KLHDC10: variants seen among roughly 807,000 people sequenced by gnomAD.
KLHDC10 encodes kelch domain containing 10.
A neutral mutation model predicts 56.1 loss-of-function variants in KLHDC10; 24 were observed. That is an observed-to-expected ratio of 0.43 (90% CI 0.31 to 0.60). The LOEUF is 0.60. Ranked by LOEUF, KLHDC10 falls within the 20% of genes least tolerant of loss-of-function variation. The pLI, the probability that KLHDC10 is intolerant of heterozygous loss-of-function variation, is 0.11. For missense variants in KLHDC10, 349 were observed against 567.0 expected (o/e 0.62, Z 3.91); for synonymous variants, 188 against 207.1 (o/e 0.91, Z 0.79).
At chr7:130,081,099 C>T (rs1223009651) in intron 1 of KLHDC10, among the ~76,000 whole-genome samples, 4 of 146,078 alleles carry the variant, frequency 2.7e-5, no homozygotes, top group Non-Finnish European at 4.5e-5. Context: ...TCTGGGTTCA[C>T]GCCATTCTCC....
At chr7:130,099,775 A>C (rs891985683) in intron 2 of KLHDC10, among the ~76,000 whole-genome samples, 11 of 152,224 alleles carry the variant, frequency 7.2e-5, no homozygotes, top group Non-Finnish European at 2.9e-5. Context: ...CTAGTGAAGA[A>C]ATTTAATTAA....
intron 1 of KLHDC10, among the ~76,000 whole-genome samples, chr7:130,078,963 A>C (rs1795557912): frequency 6.6e-6 from 1 of 152,160 alleles, no homozygotes; most frequent in South Asian, 2.1e-4. Context: ...TCCTATTAAG[A>C]TTAGATCTGG....
intron 2 of KLHDC10, among the ~76,000 whole-genome samples, chr7:130,105,962 C>G (rs573367652): frequency 2.7e-4 from 41 of 152,146 alleles, no homozygotes; most frequent in African/African-American, 8.2e-4. Flanking sequence ...GTAGCCTGAC[C>G]AACATGGTGA....
At chr7:130,084,907 AAGC>A (rs1795661814) in intron 1 of KLHDC10, among the ~76,000 whole-genome samples, 1 of 152,110 alleles carries the variant, frequency 6.6e-6, no homozygotes, top group African/African-American at 2.4e-5. Context: ...TGGCAGTGTT[AAGC>A]TTGAGATGCC....
In KLHDC10 at chr7:130,120,545, C is replaced by T. The variant is rs568814321; in HGVS notation, c.476-204C>T. The stretch of plus-strand genomic sequence containing the variant: ...TTTCCTTTAAGCATCATTGTTGGTG[C>T]GCAAAAAGTCTAATTCGGATTTTGA... On this transcript the variant is annotated intron_variant, in intron 3 of 9. Coordinates refer to ENST00000335420, the MANE Select transcript of KLHDC10 (RefSeq NM_014997.4). This position sits in a 1 kb window ranked among gnomAD's most constrained non-coding sequence, Gnocchi z 5.1. Among the ~76,000 whole-genome samples the T allele has an allele frequency of 1.4e-3, 208 of 152,200 alleles. No homozygotes were observed. The highest frequency in any genetic ancestry group is 4.6e-3 in the African/African-American group (189 of 41,518).
In KLHDC10 at chr7:130,122,116, C is replaced by T. The variant is rs763842545; in HGVS notation, c.693C>T (p.Ser231=). Residue 231 remains serine (S), a synonymous_variant, in exon 5 of 10, where the codon AGC becomes AGT. Transcript: ENST00000335420. ...GAGGTACAACCGGCTATATTTACAG[C>T]ACAGACCTGCACAAGTTAGATCTCA... ...VFGGTTGYIY[S]TDLHKLDLNT... is the part of the protein sequence containing the mutation. 1.2e-6 allele frequency: 2 copies of T among 1,614,016 alleles called. No homozygotes were observed. Among genetic ancestry groups the T allele is most frequent in the South Asian group, 2.2e-5 (2 of 91,078 alleles).
intron 2 of KLHDC10, 119 bp downstream of exon 2, chr7:130,097,126 G>T: frequency 1.6e-6 from 1 of 610,562 alleles, no homozygotes. Context: ...TGAAACAGTT[G>T]GAATAAGAAA....
At chr7:130,083,476 A>AT (rs1017503785) in intron 1 of KLHDC10, among the ~76,000 whole-genome samples, 11 of 152,140 alleles carry the variant, frequency 7.2e-5, no homozygotes, top group African/African-American at 2.4e-4. Flanking sequence ...GAGAGGAGAG[A>AT]TTTTTTAAAA....
chr7:130,110,826 CACATCTGTAGGTGGCT>C (rs1249859927), intron 2 of KLHDC10, among the ~76,000 whole-genome samples: 1 of 152,136 alleles, frequency 6.6e-6, no homozygotes, highest in African/African-American at 2.4e-5. Flanking sequence ...TGTTCATTAG[CACATCTGTAGGTGGCT>C]ACATCTTGTA....
Position 130,129,420 on chromosome 7 carries a change from T to G in KLHDC10, c.980-17T>G, listed in dbSNP as rs1796365963. 6.2e-7 allele frequency: 1 copy of G among 1,612,578 alleles called. No homozygotes were observed. Among genetic ancestry groups the G allele is most frequent in the South Asian group, 1.1e-5 (1 of 90,754 alleles). ...TCTTTTCCTTTGTGTGATCTTGGCT[T>G]TCTCTTTTCTTCATAGATGTATTTA... is the stretch of plus-strand genomic sequence containing the variant. On this transcript the variant is annotated splice_polypyrimidine_tract_variant and intron_variant, in intron 8 of 9. Coordinates refer to ENST00000335420, the MANE Select transcript of KLHDC10 (RefSeq NM_014997.4).
In KLHDC10 at chr7:130,120,654, G is replaced by A. The variant is rs1796235786; in HGVS notation, c.476-95G>A. The A allele has an allele frequency of 7.6e-7, 1 of 1,314,314 alleles. No individual in the cohort carries two copies. Among genetic ancestry groups the A allele is most frequent in the Non-Finnish European group, 1.1e-6 (1 of 931,448 alleles). The allele number at this position is 1,314,314 out of a possible 1,614,324, so 81.4% of individuals were successfully genotyped here. ...TGAGCTATCTTATGAGATCATTAAA[G>A]CAGATATGTGTAGCTTCTCAGATAT... On this transcript the variant is annotated intron_variant, in intron 3 of 9. Transcript: ENST00000335420. The surrounding 1 kb of genome is among the most constrained non-coding windows in gnomAD (Gnocchi z 5.1).
intron 2 of KLHDC10, among the ~76,000 whole-genome samples, chr7:130,099,277 G>A (rs765341101): frequency 6.6e-6 from 1 of 152,050 alleles, no homozygotes; most frequent in Non-Finnish European, 1.5e-5. Context: ...ACAGGCTTAA[G>A]TCTCTTCGTT....
chr7:130,129,329 A>G (rs556125556), intron 8 of KLHDC10, 108 bp from the exon 9 acceptor site: 2 of 1,272,072 alleles, frequency 1.6e-6, no homozygotes, highest in African/African-American at 3.0e-5. Flanking sequence ...TCATGGGGCA[A>G]TCCACTTCAC....
chr7:130,106,276 C>T (rs1796007187), intron 2 of KLHDC10, among the ~76,000 whole-genome samples: 1 of 152,098 alleles, frequency 6.6e-6, no homozygotes, highest in African/African-American at 2.4e-5. Flanking sequence ...TTCACTCAAC[C>T]ACCATTAACA....
In KLHDC10 at chr7:130,124,479, C is replaced by A; in HGVS notation, c.808C>A (p.Gln270Lys). 1 of 1,603,246 alleles carries A rather than the reference C, an allele frequency of 6.2e-7. No individual in the cohort carries two copies. Among genetic ancestry groups the A allele is most frequent in the Non-Finnish European group, 8.5e-7 (1 of 1,170,894 alleles). ...RYRHEIAHDG[Q>K]RIYILGGGTS... ...CCGACATGAAATTGCACATGACGGGCAGAGGATTTACATCTTGGGAGGTGG... is the reference window on the plus strand; with the variant it reads ...CCGACATGAAATTGCACATGACGGGAAGAGGATTTACATCTTGGGAGGTGG... Residue 270 changes from glutamine (Q) to lysine (K), a missense_variant, in exon 6 of 10, where the codon CAG (glutamine) becomes AAG (lysine). By Grantham distance (53) the Gln-to-Lys change is moderately conservative. Coordinates refer to ENST00000335420, the MANE Select transcript of KLHDC10 (RefSeq NM_014997.4).
intron 1 of KLHDC10, among the ~76,000 whole-genome samples, chr7:130,082,428 T>C (rs1795621217): frequency 6.6e-6 from 1 of 152,234 alleles, no homozygotes; most frequent in East Asian, 1.9e-4. Context: ...CTTTTAGTTC[T>C]TTATCAAGTG....
intron 2 of KLHDC10, among the ~76,000 whole-genome samples, chr7:130,113,522 G>A (rs1385470477): frequency 6.6e-6 from 1 of 151,956 alleles, no homozygotes; most frequent in African/African-American, 2.4e-5. Flanking sequence ...TAGTAGAGAC[G>A]GGGTTTCACC....
chr7:130,116,404 C>G lies in KLHDC10; in HGVS notation c.254-41C>G, dbSNP rs1796168273. 22 of 1,524,142 alleles carry G rather than the reference C, an allele frequency of 1.4e-5. No individual in the cohort carries two copies. The highest frequency in any genetic ancestry group is 1.9e-5 in the Non-Finnish European group (21 of 1,109,266). 94.4% of individuals were successfully genotyped at this position (1,524,142 alleles called of 1,614,324 possible). A position where few individuals can be genotyped will look rare whatever the true frequency, so the allele number is the denominator to read the frequency against. On this transcript the variant is annotated intron_variant, in intron 2 of 9. Coordinates refer to ENST00000335420, the MANE Select transcript of KLHDC10 (RefSeq NM_014997.4). This position sits in a 1 kb window ranked among gnomAD's most constrained non-coding sequence, Gnocchi z 4.8. ...ACCTAATTTTGTTTGTGCTTTTAAA[C>G]TGGTAGGACACCTGTGGAAAACTGT...
At chr7:130,094,703 A>G (rs548484311) in intron 1 of KLHDC10, among the ~76,000 whole-genome samples, 1 of 152,212 alleles carries the variant, frequency 6.6e-6, no homozygotes, top group South Asian at 2.1e-4. Flanking sequence ...TGTCATGTTA[A>G]TAAATAGTTT....
Sources: allele counts gnomAD v4.1 joint callset (sites outside exome capture counted in the v4.1 genomes callset), GRCh38; gene constraint gnomAD v4.1.1; non-coding constraint Gnocchi (gnomAD v3.1); transcripts MANE v1.5; gene names NCBI Gene and HGNC (gene_info 2026-07-23, HGNC 2026-07-21).